UBN1: variants seen among roughly 807,000 people sequenced by gnomAD.
UBN1 encodes the protein ubinuclein-1.
UBN1 carries 17 observed loss-of-function variants against 108.5 expected under a neutral mutation model. That is an observed-to-expected ratio of 0.16 (90% CI 0.11 to 0.24). UBN1 has a LOEUF of 0.24. UBN1 is among the 10% of genes least tolerant of loss of function. The pLI is 1.00. For synonymous variants in UBN1, 726 were observed against 564.2 expected (o/e 1.29, Z -4.07); for missense variants, 1,595 against 1,394.4 (o/e 1.14, Z -2.29).
At chr16:4,869,973 G>T (rs2087538837) in intron 8 of UBN1, among the ~76,000 whole-genome samples, 1 of 152,118 alleles carries the variant, frequency 6.6e-6, no homozygotes, top group Admixed American at 6.5e-5. Flanking sequence ...TGTTTTCCTG[G>T]TATTGTGACC....
chr16:4,852,125 A>G (rs549209439), intron 1 of UBN1: 30 of 152,362 alleles, frequency 2.0e-4, no homozygotes, highest in Non-Finnish European at 5.9e-5. Flanking sequence ...GAAAGTTCAC[A>G]CTAGAATATG....
chr16:4,863,217 T>G (rs554232594), intron 7 of UBN1, among the ~76,000 whole-genome samples: 1 of 152,328 alleles, frequency 6.6e-6, no homozygotes, highest in Admixed American at 6.5e-5. Flanking sequence ...TATAAAGCCC[T>G]CATGACTTTT....
At chr16:4,879,899 G>C (rs547156741) in intron 17 of UBN1, among the ~76,000 whole-genome samples, 184 bp from the exon 18 acceptor site, 1 of 152,154 alleles carries the variant, frequency 6.6e-6, no homozygotes, top group African/African-American at 2.4e-5. Flanking sequence ...TGCAGGCTGT[G>C]GCCAGGAGTA....
rs1370227064 is a variant in UBN1, at chr16:4,876,943, A to G, written c.3097A>G (p.Lys1033Glu). Residue 1033 changes from lysine (K) to glutamate (E), a missense_variant, in exon 16 of 18, where the codon AAG (lysine) becomes GAG (glutamate). Physicochemically the swap from Lys to Glu is moderately conservative, Grantham distance 56 (BLOSUM62 1). This residue lies in a region of UBN1 where 1,398 missense variants were observed against 1,194.7 expected (regional missense o/e 1.17). Coordinates refer to ENST00000262376, the MANE Select transcript of UBN1 (RefSeq NM_001079514.3). The part of the protein sequence containing the change: ...MASPYKSSSP[K>E]LSGAMSSNSL... ...TTCACCCTACAAATCCAGCAGCCCA[A>G]AGCTGTCTGGGGCCATGAGCTCGAA... The G allele has an allele frequency of 6.2e-7, 1 of 1,614,052 alleles. No homozygotes were observed. Among genetic ancestry groups the G allele is most frequent in the Non-Finnish European group, 8.5e-7 (1 of 1,180,038 alleles).
Position 4,858,005 on chromosome 16 carries a change from G to C in UBN1, c.265G>C (p.Asp89His), listed in dbSNP as rs759350110. Reference sequence around the variant, plus strand: ...CTCTTTACAGAAGAAAGATCTGTCAGATCCTTTCAATGACGAAGAAAAGGA... The same window carrying C: ...CTCTTTACAGAAGAAAGATCTGTCACATCCTTTCAATGACGAAGAAAAGGA... ...QPGDKKKDLSDPFNDEEKERH... is the reference protein window; with the variant it reads ...QPGDKKKDLSHPFNDEEKERH... The change falls in exon 3 of 18, where the codon GAT becomes CAT. Residue 89 changes from aspartate (D) to histidine (H), a missense_variant. Coordinates refer to ENST00000262376, the MANE Select transcript of UBN1 (RefSeq NM_001079514.3). The C allele has an allele frequency of 1.3e-5, 21 of 1,612,568 alleles. No homozygotes were observed. Among genetic ancestry groups the C allele is most frequent in the Non-Finnish European group, 1.7e-5 (20 of 1,179,348 alleles).
In UBN1 at chr16:4,868,762, T is replaced by A. The variant is rs552175080; in HGVS notation, c.1111-71T>A. 2.4e-5 allele frequency: 36 copies of A among 1,490,618 alleles called. No individual in the cohort carries two copies. In the South Asian group the frequency reaches 3.4e-4, roughly 14 times the overall value. 92.3% of individuals were successfully genotyped at this position (1,490,618 alleles called of 1,614,324 possible). A position where few individuals can be genotyped will look rare whatever the true frequency, so the allele number is the denominator to read the frequency against. ...GCTCTTTATGGAGCGATGACTCCTG[T>A]GCCTGTGGGTGAGCGTAAGGGACAT... On this transcript the variant is annotated intron_variant, in intron 7 of 17. Coordinates refer to ENST00000262376, the MANE Select transcript of UBN1 (RefSeq NM_001079514.3).
In UBN1 at chr16:4,870,978, C is replaced by T; in HGVS notation, c.1559+6C>T. On this transcript the variant is annotated splice_donor_region_variant and intron_variant, in intron 11 of 17. Transcript: ENST00000262376. ...CAATGGAATGATGAGATCAGGTGTG[C>T]CCACACTGGGACTTGGCCTCTTTGG... 1 of 1,613,904 alleles carries T rather than the reference C, an allele frequency of 6.2e-7. No individual in the cohort carries two copies. Among genetic ancestry groups the T allele is most frequent in the Non-Finnish European group, 8.5e-7 (1 of 1,179,906 alleles).
At chr16:4,867,994 A>G (rs1318122941) in intron 7 of UBN1, among the ~76,000 whole-genome samples, 3 of 152,142 alleles carry the variant, frequency 2.0e-5, no homozygotes, top group African/African-American at 4.8e-5. Flanking sequence ...TTGAAAGAGT[A>G]CTTGGGCCAC....
Position 4,877,554 on chromosome 16 carries a change from G to A in UBN1, c.3355+80G>A, listed in dbSNP as rs2087944236. Reference sequence around the variant, plus strand: ...CCCCTAGGTGCTTTGCCGCTGCCAAGGGTCTTGGTGTCTTTGCCTTGACGC... The same window carrying A: ...CCCCTAGGTGCTTTGCCGCTGCCAAAGGTCTTGGTGTCTTTGCCTTGACGC... On this transcript the variant is annotated intron_variant, in intron 17 of 17. Transcript: ENST00000262376. The surrounding 1 kb of genome is among the most constrained non-coding windows in gnomAD (Gnocchi z 4.3). The A allele has an allele frequency of 2.0e-6, 3 of 1,486,844 alleles. No homozygotes were observed. Among genetic ancestry groups the A allele is most frequent in the African/African-American group, 1.4e-5 (1 of 70,714 alleles). 92.1% of individuals were successfully genotyped at this position (1,486,844 alleles called of 1,614,324 possible).
chr16:4,872,007 A>C (rs1269884123), intron 12 of UBN1, among the ~76,000 whole-genome samples: 3 of 152,188 alleles, frequency 2.0e-5, no homozygotes, highest in Non-Finnish European at 4.4e-5. Context: ...CCTTATTGGA[A>C]CTAAGTGCCA....
At chr16:4,858,546 A>G in intron 3 of UBN1, 22 bp from the exon 4 acceptor site, 2 of 1,608,122 alleles carry the variant, frequency 1.2e-6, no homozygotes, top group Non-Finnish European at 1.7e-6. Flanking sequence ...AAAGCATGTA[A>G]TCTATTGCTT....
Position 4,852,950 on chromosome 16 carries a change from T to C in UBN1, c.33T>C (p.Ser11=), listed in dbSNP as rs1160584876. The change falls in exon 2 of 18, where the codon TCT becomes TCC. Residue 11 remains serine, a synonymous_variant. Transcript: ENST00000262376. ...AGCCCCACAGGGTCCAGTTCACCTC[T>C]CTCCCAGGTTCCCTGAATCCTGCGT... MSEPHRVQFT[S]LPGSLNPAFL... is the part of the protein sequence containing the mutation. 6.2e-7 allele frequency: 1 copy of C among 1,614,054 alleles called. No homozygotes were observed. The highest frequency in any genetic ancestry group is 8.5e-7 in the Non-Finnish European group (1 of 1,180,032).
Position 4,874,698 on chromosome 16 carries a change from T to C in UBN1, c.2288T>C (p.Leu763Pro). ...CCAGAGAGTTCTGGCTACAAAGAGC[T>C]GTCCTGCCAGGCTCCCCTCAATAAG... ...KKPESSGYKE[L>P]SCQAPLNKGL... Residue 763 changes from leucine (L) to proline (P), a missense_variant, in exon 15 of 18, where the codon CTG becomes CCG. By Grantham distance (98) the Leu-to-Pro change is moderately conservative (BLOSUM62 -3). Around this residue, in one of 3 missense-constraint regions of UBN1, gnomAD observed 1,398 missense variants for 1,194.7 expected, o/e 1.17. Transcript: ENST00000262376. The C allele has an allele frequency of 4.3e-6, 7 of 1,614,158 alleles. No homozygotes were observed. The highest frequency in any genetic ancestry group is 5.9e-6 in the Non-Finnish European group (7 of 1,180,024).
At position 4,853,169 on chromosome 16, in the gene UBN1, A is replaced by G; in HGVS notation, c.249+3A>G. 6.2e-7 allele frequency: 1 copy of G among 1,613,988 alleles called. No homozygotes were observed. Among genetic ancestry groups the G allele is most frequent in the Non-Finnish European group, 8.5e-7 (1 of 1,179,990 alleles). Reference sequence around the variant, plus strand: ...AAGGCCTTCAGCCTGGAGATAAGGTACACCCCTTTGTTCCCAGAGGCGCTG... The same window carrying G: ...AAGGCCTTCAGCCTGGAGATAAGGTGCACCCCTTTGTTCCCAGAGGCGCTG... On this transcript the variant is annotated splice_donor_region_variant and intron_variant, in intron 2 of 17. Coordinates refer to ENST00000262376, the MANE Select transcript of UBN1 (RefSeq NM_001079514.3).
chr16:4,858,134 CTG>C, intron 3 of UBN1, 58 bp downstream of exon 3: 1 of 1,134,008 alleles, frequency 8.8e-7, no homozygotes, highest in South Asian at 1.2e-5. Context: ...CGTTTCCACA[CTG>C]TATTCCTTTA....
chr16:4,882,150 A>T lies in UBN1; in HGVS notation c.*2018A>T, dbSNP rs1437409352. On this transcript the variant is annotated 3_prime_UTR_variant, in exon 18 of 18. Coordinates refer to ENST00000262376, the MANE Select transcript of UBN1 (RefSeq NM_001079514.3). ...GCAGACCTACAGGCGAGGCCGCAGC[A>T]GAGGGTGGGGCAGAGCAGCCTCGGG... 2 of 152,626 alleles carry T rather than the reference A, an allele frequency of 1.3e-5. No individual in the cohort carries two copies. Among genetic ancestry groups the T allele is most frequent in the Non-Finnish European group, 2.9e-5 (2 of 68,052 alleles). The allele number at this position is 152,626 out of a possible 1,614,324, so 9.5% of individuals were successfully genotyped here.
intron 8 of UBN1, 84 bp from the exon 9 acceptor site, chr16:4,870,128 G>C: frequency 3.2e-6 from 5 of 1,584,454 alleles, no homozygotes; most frequent in Non-Finnish European, 4.3e-6. Flanking sequence ...TTGGCTCCTA[G>C]CTTTCCTCTC....
intron 10 of UBN1, 52 bp from the exon 11 acceptor site, chr16:4,870,792 G>A (rs1009576424): frequency 2.5e-6 from 4 of 1,608,936 alleles, no homozygotes; most frequent in Admixed American, 1.7e-5. Context: ...TGAGGGGAGA[G>A]GCGGTGGGCA....
At chr16:4,861,415 T>C (rs553896399) in intron 7 of UBN1, among the ~76,000 whole-genome samples, 1 of 152,384 alleles carries the variant, frequency 6.6e-6, no homozygotes, top group Admixed American at 6.5e-5. Context: ...AGACGGATGA[T>C]GTTGGCAGCA....
Sources: gnomAD v4.1 joint callset for allele counts (sites outside exome capture counted in the v4.1 genomes callset) on GRCh38, gnomAD v4.1.1 for gene constraint, gnomAD v4.1.1 regional missense constraint, Gnocchi (gnomAD v3.1) non-coding constraint, MANE v1.5 for transcripts, NCBI Gene and HGNC (gene_info 2026-07-23, HGNC 2026-07-21) for gene names.